TECRL: variants seen among roughly 807,000 people sequenced by gnomAD.
TECRL encodes the protein trans-2,3-enoyl-CoA reductase-like.
A neutral mutation model predicts 52.8 loss-of-function variants in TECRL; 63 were observed. The ratio of observed to expected loss-of-function variants is 1.19; its 90% CI spans 0.97 to 1.47. TECRL has a LOEUF of 1.47. Among genes scored for constraint, TECRL ranks in the 40% most tolerant of loss-of-function variants. TECRL has a pLI of 0.00. For synonymous variants in TECRL, 164 were observed against 141.9 expected (o/e 1.16, Z -1.10); for missense variants, 482 against 429.6 (o/e 1.12, Z -1.08).
intron 3 of TECRL, among the ~76,000 whole-genome samples, chr4:64,325,220 AACAG>A (rs1478311645): frequency 1.4e-4 from 21 of 152,200 alleles, no homozygotes; most frequent in African/African-American, 5.1e-4. Context: ...AGACCAAACA[AACAG>A]ACAAACAAAC....
chr4:64,313,162 G>A (rs1367125940), intron 5 of TECRL, among the ~76,000 whole-genome samples: 1 of 152,154 alleles, frequency 6.6e-6, no homozygotes, highest in Non-Finnish European at 1.5e-5. Flanking sequence ...GTAATTAAAG[G>A]TAGGCAAAAC....
chr4:64,381,905 G>T (rs1322865075), intron 1 of TECRL, among the ~76,000 whole-genome samples: 1 of 151,960 alleles, frequency 6.6e-6, no homozygotes, highest in Non-Finnish European at 1.5e-5. Flanking sequence ...GGGGGGATGT[G>T]TGCATGTGTG....
chr4:64,380,317 C>T (rs1004246552), intron 1 of TECRL, among the ~76,000 whole-genome samples: 15 of 151,840 alleles, frequency 9.9e-5, no homozygotes, highest in African/African-American at 3.6e-4. Context: ...AATATTAGTC[C>T]CTCGTCAGAG....
At chr4:64,372,022 G>T (rs1474116316) in intron 2 of TECRL, among the ~76,000 whole-genome samples, 1 of 151,590 alleles carries the variant, frequency 6.6e-6, no homozygotes. Flanking sequence ...ACACAGTTTT[G>T]GTCAGAGTGT....
Position 64,279,759 on chromosome 4 carries a change from T to C in TECRL, c.*313A>G, listed in dbSNP as rs1247326899. 3 of 987,490 alleles carry C rather than the reference T, an allele frequency of 3.0e-6. No individual in the cohort carries two copies. The highest frequency in any genetic ancestry group is 3.6e-6 in the Non-Finnish European group (3 of 830,698). 61.2% of individuals were successfully genotyped at this position (987,490 alleles called of 1,614,324 possible). The stretch of plus-strand genomic sequence containing the variant: ...CTTTTTCATTTGTTAATCAGATTTT[T>C]TTTTTTGCTGTGGTATTTTGTCTTA... On this transcript the variant is annotated 3_prime_UTR_variant, in exon 12 of 12. Transcript: ENST00000381210.
At chr4:64,385,687 A>C (rs1723129435) in intron 1 of TECRL, among the ~76,000 whole-genome samples, 1 of 152,118 alleles carries the variant, frequency 6.6e-6, no homozygotes, top group Admixed American at 6.5e-5. Context: ...AGCTCTCAAA[A>C]TGGAGCAGTG....
chr4:64,334,518 A>G (rs536287996), intron 2 of TECRL, among the ~76,000 whole-genome samples: 2 of 152,342 alleles, frequency 1.3e-5, no homozygotes, highest in South Asian at 2.1e-4. Context: ...CTCAACAACT[A>G]AAAGTGTTTA....
intron 2 of TECRL, among the ~76,000 whole-genome samples, chr4:64,339,899 A>T (rs1183406947): frequency 2.0e-5 from 3 of 152,160 alleles, no homozygotes; most frequent in African/African-American, 7.2e-5. Flanking sequence ...ATTTCATGCT[A>T]TTCTGGACTA....
chr4:64,387,105 T>TA (rs1224650452), intron 1 of TECRL, among the ~76,000 whole-genome samples: 1 of 152,182 alleles, frequency 6.6e-6, no homozygotes, highest in African/African-American at 2.4e-5. Context: ...TGGCAACCAC[T>TA]AATCTTTTAG....
intron 1 of TECRL, among the ~76,000 whole-genome samples, chr4:64,403,287 C>G (rs998769551): frequency 4.6e-5 from 7 of 151,860 alleles, no homozygotes; most frequent in African/African-American, 1.7e-4. Context: ...ACCATGACCA[C>G]TCCCCTGAGT....
chr4:64,295,631 A>G (rs1007797688), intron 8 of TECRL, among the ~76,000 whole-genome samples: 2 of 151,794 alleles, frequency 1.3e-5, no homozygotes, highest in Non-Finnish European at 2.9e-5. Flanking sequence ...GAAGTAAATG[A>G]TGTTTGAAAA....
At chr4:64,334,428 G>A (rs1718899550) in intron 2 of TECRL, among the ~76,000 whole-genome samples, 1 of 152,166 alleles carries the variant, frequency 6.6e-6, no homozygotes, top group Admixed American at 6.5e-5. Context: ...GGATGCCAGT[G>A]AGACATTTAA....
rs1714168599 is a variant in TECRL at position 64,278,959 on chromosome 4, A to T, written c.*1113T>A. On this transcript the variant is annotated 3_prime_UTR_variant, in exon 12 of 12. Transcript: ENST00000381210. ...AGGAATTCAGTTTTTATGGCTGCATAGTATTCTATTGTGTATATATACCAC... is the reference window on the plus strand; with the variant it reads ...AGGAATTCAGTTTTTATGGCTGCATTGTATTCTATTGTGTATATATACCAC... 1 of 152,102 alleles carries T rather than the reference A, an allele frequency of 6.6e-6. No individual in the cohort carries two copies. The highest frequency in any genetic ancestry group is 6.6e-5 in the Admixed American group (1 of 15,244). 9.4% of individuals were successfully genotyped at this position (152,102 alleles called of 1,614,324 possible).
At chr4:64,393,720 T>G (rs554513220) in intron 1 of TECRL, among the ~76,000 whole-genome samples, 1 of 151,876 alleles carries the variant, frequency 6.6e-6, no homozygotes, top group South Asian at 2.1e-4. Context: ...TAATACATCA[T>G]ATATGATTGT....
intron 2 of TECRL, among the ~76,000 whole-genome samples, chr4:64,340,763 G>A (rs959578927): frequency 1.6e-4 from 24 of 152,178 alleles, no homozygotes; most frequent in Non-Finnish European, 1.2e-4. Context: ...TGAAGGATGG[G>A]GACCCAGCTG....
intron 5 of TECRL, among the ~76,000 whole-genome samples, chr4:64,311,693 T>C (rs929789687): frequency 6.6e-6 from 1 of 152,168 alleles, no homozygotes; most frequent in African/African-American, 2.4e-5. Context: ...ATCATGCACA[T>C]CACTGCTAAC....
At chr4:64,306,881 C>T (rs1165308784) in intron 6 of TECRL, among the ~76,000 whole-genome samples, 1 of 152,176 alleles carries the variant, frequency 6.6e-6, no homozygotes, top group African/African-American at 2.4e-5. Context: ...CTCTTTCAAA[C>T]CTCTGTCTGA....
In TECRL at chr4:64,409,347, A is replaced by G. The variant is rs766911074; in HGVS notation, c.5T>C (p.Phe2Ser). 3.1e-6 allele frequency: 5 copies of G among 1,612,478 alleles called. No individual in the cohort carries two copies. The highest frequency in any genetic ancestry group is 4.2e-6 in the Non-Finnish European group (5 of 1,179,004). M[F>S]KRHKSLASER... ...CGAAGCGAGGGACTTGTGCCTTTTG[A>G]ACATTGTGTGAACTAAGAGGAGGGT... Residue 2 changes from phenylalanine (F) to serine (S), a missense_variant, in exon 1 of 12, where the codon TTC becomes TCC. Transcript: ENST00000381210.
intron 8 of TECRL, among the ~76,000 whole-genome samples, chr4:64,297,924 G>A (rs2109968015): frequency 6.6e-6 from 1 of 151,022 alleles, no homozygotes; most frequent in Non-Finnish European, 1.5e-5. Flanking sequence ...AGGACTAACA[G>A]GTCTTCTTTA....
Sources: gnomAD v4.1 joint callset for allele counts (sites outside exome capture counted in the v4.1 genomes callset) on GRCh38, gnomAD v4.1.1 for gene constraint, MANE v1.5 for transcripts, NCBI Gene and HGNC (gene_info 2026-07-23, HGNC 2026-07-21) for gene names.